The following FAM135B variants were observed in gnomAD, a reference collection of about 807,000 sequenced individuals.
FAM135B encodes protein FAM135B.
A neutral mutation model predicts 127.7 loss-of-function variants in FAM135B; 43 were observed. The ratio of observed to expected loss-of-function variants is 0.34; its 90% CI spans 0.26 to 0.43. The LOEUF is 0.43. Ranked by LOEUF, FAM135B falls within the 20% of genes least tolerant of loss-of-function variation. The pLI, the probability that FAM135B is intolerant of heterozygous loss-of-function variation, is 1.00. For missense variants in FAM135B, 1,558 were observed against 1,725.6 expected, an observed-to-expected ratio of 0.90 and a Z score of 1.72; for synonymous variants, 670 against 665.1, an observed-to-expected ratio of 1.01 and a Z score of -0.11.
intron 9 of FAM135B, among the ~76,000 whole-genome samples, chr8:138,179,833 T>G (rs1814841449): frequency 6.6e-6 from 1 of 152,002 alleles, no homozygotes; most frequent in South Asian, 2.1e-4. Flanking sequence ...GGACTACAGG[T>G]GCATGCCACT....
chr8:138,331,622 T>C (rs1425319554), intron 2 of FAM135B, among the ~76,000 whole-genome samples: 1 of 151,630 alleles, frequency 6.6e-6, no homozygotes, highest in African/African-American at 2.4e-5. Context: ...CACAACACAG[T>C]CAACTCTTAG....
At chr8:138,447,482 T>A (rs1836244527) in intron 1 of FAM135B, among the ~76,000 whole-genome samples, 1 of 152,196 alleles carries the variant, frequency 6.6e-6, no homozygotes, top group Middle Eastern at 3.4e-3. Context: ...GCCATAAAAA[T>A]GATGAGTTCA....
At chr8:138,367,527 TG>T (rs147619960) in intron 2 of FAM135B, 14,077 of 448,796 alleles carry the variant, frequency 0.031, 539 homozygotes, top group East Asian at 0.16. Flanking sequence ...TTTGAAGTAA[TG>T]GCCTGCATCA....
In FAM135B at chr8:138,141,262, C is replaced by G. The variant is rs764666660; in HGVS notation, c.3726G>C (p.Thr1242=). ...RFRYYLNKLH[T]FLSLSGPHLG... Reference sequence around the variant, plus strand: ...GGTGAGGCCCAGAGAGTGACAGGAACGTGTGGAGTTTGTTGAGGTAATACC... The same window carrying G: ...GGTGAGGCCCAGAGAGTGACAGGAAGGTGTGGAGTTTGTTGAGGTAATACC... The change falls in exon 17 of 20, where the codon ACG becomes ACC. Residue 1242 remains threonine, a synonymous_variant. Transcript: ENST00000395297. This position sits in a 1 kb window ranked among gnomAD's most constrained non-coding sequence, Gnocchi z 4.7. 6.2e-7 allele frequency: 1 copy of G among 1,614,078 alleles called. No individual in the cohort carries two copies. Among genetic ancestry groups the G allele is most frequent in the Non-Finnish European group, 8.5e-7 (1 of 1,180,000 alleles).
chr8:138,265,230 C>T (rs1822823312), intron 4 of FAM135B, among the ~76,000 whole-genome samples: 2 of 152,136 alleles, frequency 1.3e-5, no homozygotes. Context: ...CCACAGAGAT[C>T]ATTTCTCACA....
intron 7 of FAM135B, among the ~76,000 whole-genome samples, chr8:138,202,334 C>G (rs1233437607): frequency 6.6e-6 from 1 of 151,962 alleles, no homozygotes; most frequent in African/African-American, 2.4e-5. Flanking sequence ...ATTGCAGCCT[C>G]GGCCTCCTAA....
chr8:138,233,689 T>A (rs1386250889), intron 7 of FAM135B, among the ~76,000 whole-genome samples: 1 of 152,036 alleles, frequency 6.6e-6, no homozygotes, highest in African/African-American at 2.4e-5. Context: ...CTAAAAAGTA[T>A]CTGCACTGCA....
chr8:138,387,262 T>A (rs1192532273), intron 1 of FAM135B, among the ~76,000 whole-genome samples: 1 of 152,126 alleles, frequency 6.6e-6, no homozygotes, highest in Admixed American at 6.5e-5. Flanking sequence ...AAGTCCTGGC[T>A]CTAAAGGGAA....
At chr8:138,259,507 C>T (rs183734932) in intron 4 of FAM135B, among the ~76,000 whole-genome samples, 1 of 152,282 alleles carries the variant, frequency 6.6e-6, no homozygotes, top group Admixed American at 6.5e-5. Context: ...TTGTTCACAA[C>T]TGAACTGACA....
chr8:138,328,966 T>C (rs1223648057), intron 2 of FAM135B, among the ~76,000 whole-genome samples: 2 of 152,228 alleles, frequency 1.3e-5, no homozygotes, highest in Non-Finnish European at 2.9e-5. Context: ...TTGGATGATG[T>C]CATGTTCTCC....
At position 138,167,749 on chromosome 8, in the gene FAM135B, C is replaced by G. The variant is rs1246787945; in HGVS notation, c.1258+146G>C. On this transcript the variant is annotated intron_variant, in intron 12 of 19. Coordinates refer to ENST00000395297, the MANE Select transcript of FAM135B (RefSeq NM_015912.4). ...TTCATGGAAACAAAGTCATTTCAAA[C>G]CATTACTTTGTTTCCTCTCTATGAA... The G allele has an allele frequency of 6.4e-6, 6 of 937,896 alleles. No homozygotes were observed. In the African/African-American group the frequency reaches 1.0e-4, roughly 16 times the overall value. 58.1% of individuals were successfully genotyped at this position (937,896 alleles called of 1,614,324 possible).
chr8:138,220,756 T>C (rs890485501), intron 7 of FAM135B, among the ~76,000 whole-genome samples: 1 of 152,166 alleles, frequency 6.6e-6, no homozygotes, highest in African/African-American at 2.4e-5. Flanking sequence ...ATATTGCCAG[T>C]GTAAATTTCA....
At chr8:138,342,385 G>A (rs1829111966) in intron 2 of FAM135B, among the ~76,000 whole-genome samples, 1 of 152,174 alleles carries the variant, frequency 6.6e-6, no homozygotes. Flanking sequence ...AAGTTTCATT[G>A]CTGCTTTGGC....
At chr8:138,138,578 G>A (rs1018604167) in intron 18 of FAM135B, among the ~76,000 whole-genome samples, 2 of 152,252 alleles carry the variant, frequency 1.3e-5, no homozygotes, top group South Asian at 2.1e-4. Context: ...AGGCCTGCCT[G>A]ACAATGACCC....
intron 7 of FAM135B, among the ~76,000 whole-genome samples, chr8:138,215,885 T>C (rs928691655): frequency 6.6e-6 from 1 of 152,146 alleles, no homozygotes; most frequent in Admixed American, 6.5e-5. Flanking sequence ...ATCAGTTTCT[T>C]TGGACATTCT....
intron 12 of FAM135B, among the ~76,000 whole-genome samples, chr8:138,155,363 G>A (rs1477685940): frequency 6.6e-6 from 1 of 152,162 alleles, no homozygotes; most frequent in African/African-American, 2.4e-5. Context: ...AAAGACCATC[G>A]ATGCTGGGAA....
intron 3 of FAM135B, among the ~76,000 whole-genome samples, chr8:138,292,142 G>T (rs1477706263): frequency 6.6e-6 from 1 of 151,852 alleles, no homozygotes; most frequent in Admixed American, 6.6e-5. Context: ...ACCTCAGAAA[G>T]AAATCAATAA....
At chr8:138,451,334 C>T (rs12547595) in intron 1 of FAM135B, among the ~76,000 whole-genome samples, 64,912 of 152,016 alleles carry the variant, frequency 0.43, 14,528 homozygotes, top group Non-Finnish European at 0.47. Context: ...TTGCATATGC[C>T]GTATTGTTAT....
At chr8:138,446,742 T>C (rs1161619470) in intron 1 of FAM135B, among the ~76,000 whole-genome samples, 1 of 151,870 alleles carries the variant, frequency 6.6e-6, no homozygotes, top group Non-Finnish European at 1.5e-5. Context: ...GACACAGGCA[T>C]GGGCAAGGAC....
Sources: allele counts gnomAD v4.1 joint callset (sites outside exome capture counted in the v4.1 genomes callset), GRCh38; gene constraint gnomAD v4.1.1; non-coding constraint Gnocchi (gnomAD v3.1); transcripts MANE v1.5; gene names NCBI Gene and HGNC (gene_info 2026-07-23, HGNC 2026-07-21).